SYTL3: variants seen among roughly 807,000 people sequenced by gnomAD.
SYTL3 encodes synaptotagmin like 3, also known as synaptotagmin-like protein 3.
A neutral mutation model predicts 82.1 loss-of-function variants in SYTL3; 88 were observed. The ratio of observed to expected loss-of-function variants is 1.07; its 90% CI spans 0.90 to 1.28. The LOEUF (loss-of-function observed/expected upper bound fraction) is 1.28, where lower values mean the gene tolerates loss of function less well. Ranked by LOEUF, SYTL3 falls within the 50% of genes most tolerant of loss-of-function variation. The pLI, the probability that SYTL3 is intolerant of heterozygous loss-of-function variation, is 0.00. For missense variants in SYTL3, 831 were observed against 757.6 expected, an observed-to-expected ratio of 1.10 and a Z score of -1.14; for synonymous variants, 311 against 289.4, an observed-to-expected ratio of 1.07 and a Z score of -0.76.
chr6:158,705,862 G>T (rs1782030043), intron 6 of SYTL3, among the ~76,000 whole-genome samples: 1 of 152,134 alleles, frequency 6.6e-6, no homozygotes, highest in Non-Finnish European at 1.5e-5. Flanking sequence ...AGACTGCTGT[G>T]CACCAGCTGT....
intron 15 of SYTL3, 54 bp from the exon 16 acceptor site, chr6:158,762,022 A>T (rs1402598357): frequency 7.5e-7 from 1 of 1,336,040 alleles, no homozygotes; most frequent in Admixed American, 1.7e-5. Context: ...GTGGTACTGC[A>T]TACTAACGTA....
rs1272901583 is a variant in SYTL3, at chr6:158,665,613, G to A, written c.329G>A (p.Arg110Lys). 4 of 1,547,840 alleles carry A rather than the reference G, an allele frequency of 2.6e-6. No individual in the cohort carries two copies. Among genetic ancestry groups the A allele is most frequent in the Non-Finnish European group, 3.5e-6 (4 of 1,142,516 alleles). ...AWKCTVCFED[R>K]NVKIKTGEWF... Reference sequence around the variant, plus strand: ...AAGTGCACGGTGTGCTTCGAGGACAGGTAAGCATGGCCGGTGGTTGGATCC... The same window carrying A: ...AAGTGCACGGTGTGCTTCGAGGACAAGTAAGCATGGCCGGTGGTTGGATCC... The change falls in exon 5 of 18, where the codon AGG becomes AAG. Residue 110 changes from arginine to lysine, a missense_variant and splice_region_variant. By Grantham distance (26) the Arg-to-Lys change is conservative. Transcript: ENST00000611299.
In SYTL3 at chr6:158,717,757, G is replaced by GT. The variant is rs1472824898; in HGVS notation, c.596-329dup. 2.0e-5 allele frequency among the ~76,000 whole-genome samples: 3 copies of GT among 152,276 alleles called. No individual in the cohort carries two copies. In the East Asian group the frequency reaches 5.8e-4, roughly 29 times the overall value. On this transcript the variant is annotated intron_variant, in intron 9 of 17. Coordinates refer to ENST00000611299, the MANE Select transcript of SYTL3 (RefSeq NM_001242394.2). ...GGCTGCCGTCTTCGTGTTTGGATGAGTGCACACACATATGTGTGACCTGGA... is the reference window on the plus strand; with the variant it reads ...GGCTGCCGTCTTCGTGTTTGGATGAGTTGCACACACATATGTGTGACCTGGA...
chr6:158,685,200 G>GTCTC (rs148896149), intron 6 of SYTL3, among the ~76,000 whole-genome samples: 32 of 144,434 alleles, frequency 2.2e-4, no homozygotes, highest in African/African-American at 6.3e-4. Context: ...TTGCTTTTAT[G>GTCTC]TCTCTCTCTC....
At position 158,760,710 on chromosome 6, in the gene SYTL3, C is replaced by T; in HGVS notation, c.1379C>T (p.Pro460Leu). The T allele has an allele frequency of 1.2e-6, 2 of 1,614,146 alleles. No individual in the cohort carries two copies. The highest frequency in any genetic ancestry group is 1.7e-6 in the Non-Finnish European group (2 of 1,179,986). ...ELTVRAKLVL[P>L]SRPRKLQEAQ... is the part of the protein sequence containing the mutation. ...ACAGTCCGGGCTAAGCTGGTTCTCCCTTCACGGCCCAGAAAACTCCAAGAG... is the reference window on the plus strand; with the variant it reads ...ACAGTCCGGGCTAAGCTGGTTCTCCTTTCACGGCCCAGAAAACTCCAAGAG... Residue 460 changes from proline (P) to leucine (L), a missense_variant, in exon 15 of 18, where the codon CCT becomes CTT. Pro to Leu is a moderately conservative substitution (Grantham distance 98). Transcript: ENST00000611299.
chr6:158,734,581 A>G (rs910044376), intron 11 of SYTL3, among the ~76,000 whole-genome samples: 2 of 152,018 alleles, frequency 1.3e-5, no homozygotes, highest in African/African-American at 4.8e-5. Flanking sequence ...AGACATCACA[A>G]GTCATGCAGT....
chr6:158,693,342 C>T (rs1050029875), intron 6 of SYTL3, among the ~76,000 whole-genome samples: 1 of 152,090 alleles, frequency 6.6e-6, no homozygotes, highest in Non-Finnish European at 1.5e-5. Context: ...TTCAGCCCCC[C>T]AAGTAGCTGG....
At chr6:158,661,420 T>C (rs1320067373) in intron 3 of SYTL3, 35 bp downstream of exon 3, 1 of 152,252 alleles carries the variant, frequency 6.6e-6, no homozygotes, top group Admixed American at 6.5e-5. Context: ...TTTGTGATTT[T>C]CCCTTCATCT....
At chr6:158,697,279 A>G (rs76385760) in intron 6 of SYTL3, among the ~76,000 whole-genome samples, 8 of 108,796 alleles carry the variant, frequency 7.4e-5, no homozygotes, top group African/African-American at 3.7e-4. Context: ...TCTCTACGGA[A>G]AAAAAAAAAA....
At chr6:158,693,913 G>T (rs530909215) in intron 6 of SYTL3, among the ~76,000 whole-genome samples, 64 of 134,226 alleles carry the variant, frequency 4.8e-4, no homozygotes, top group African/African-American at 1.8e-3. Flanking sequence ...GGCTGGTCTC[G>T]AACTCCTGAG....
intron 16 of SYTL3, 77 bp downstream of exon 16, chr6:158,762,255 A>C: frequency 9.5e-7 from 1 of 1,057,064 alleles, no homozygotes; most frequent in Non-Finnish European, 1.4e-6. Flanking sequence ...TGCAGCGAAC[A>C]CTAAAAAACG....
At chr6:158,734,414 G>A (rs574753515) in intron 11 of SYTL3, among the ~76,000 whole-genome samples, 1 of 152,126 alleles carries the variant, frequency 6.6e-6, no homozygotes, top group Admixed American at 6.5e-5. Flanking sequence ...CCCCATGACA[G>A]CCGGTGGGAT....
chr6:158,763,305 T>A lies in SYTL3; in HGVS notation c.1519T>A (p.Cys507Ser). The A allele has an allele frequency of 6.2e-7, 1 of 1,614,172 alleles. No individual in the cohort carries two copies. Among genetic ancestry groups the A allele is most frequent in the Non-Finnish European group, 8.5e-7 (1 of 1,180,010 alleles). ...DGTLNSFVKGCLTLPDQQKLR... is the reference protein window; with the variant it reads ...DGTLNSFVKGSLTLPDQQKLR... ...GCAGGGTTTGTGTTCCCTCTTCAGC[T>A]GTCTCACTCTGCCAGACCAACAAAA... Residue 507 changes from cysteine (C) to serine (S), a missense_variant and splice_region_variant, in exon 17 of 18, where the codon TGT becomes AGT. Coordinates refer to ENST00000611299, the MANE Select transcript of SYTL3 (RefSeq NM_001242394.2).
At chr6:158,725,283 C>G (rs1294358943) in intron 10 of SYTL3, among the ~76,000 whole-genome samples, 1 of 152,146 alleles carries the variant, frequency 6.6e-6, no homozygotes, top group East Asian at 1.9e-4. Flanking sequence ...TTGTCTGTCT[C>G]TGGGCCCTGT....
intron 11 of SYTL3, among the ~76,000 whole-genome samples, chr6:158,744,304 CTTTT>C (rs869182913): frequency 2.5e-4 from 25 of 99,216 alleles, no homozygotes; most frequent in Non-Finnish European, 3.0e-4. Flanking sequence ...CTTTTTCTTT[CTTTT>C]TTTTTTTTTT....
At position 158,684,393 on chromosome 6, in the gene SYTL3, A is replaced by G. The variant is rs1010109086; in HGVS notation, c.394+1404A>G. Among the ~76,000 whole-genome samples the G allele has an allele frequency of 2.0e-5, 3 of 152,260 alleles. No individual in the cohort carries two copies. In the East Asian group the frequency reaches 5.8e-4, roughly 29 times the overall value. ...TTTGCAATGTATGTTGTGCCAGTGTAATTGGTAGCTGGGACCTGGAACTGT... is the reference window on the plus strand; with the variant it reads ...TTTGCAATGTATGTTGTGCCAGTGTGATTGGTAGCTGGGACCTGGAACTGT... On this transcript the variant is annotated intron_variant, in intron 6 of 17. Transcript: ENST00000611299.
At chr6:158,755,918 A>AAGGG (rs1732996276) in intron 13 of SYTL3, among the ~76,000 whole-genome samples, 1 of 152,194 alleles carries the variant, frequency 6.6e-6, no homozygotes. Flanking sequence ...CTACCAGACC[A>AAGGG]AGGGAGGGAG....
chr6:158,701,607 G>T (rs1042604586), intron 6 of SYTL3, among the ~76,000 whole-genome samples: 3 of 151,406 alleles, frequency 2.0e-5, no homozygotes, highest in Non-Finnish European at 2.9e-5. Flanking sequence ...CAGCTGGGAG[G>T]CTCTGTTTGA....
chr6:158,704,226 G>A (rs534727300), intron 6 of SYTL3, among the ~76,000 whole-genome samples: 38 of 152,286 alleles, frequency 2.5e-4, no homozygotes, highest in African/African-American at 7.5e-4. Context: ...GAACGGGCAC[G>A]CCTGCCCTTT....
Sources: allele counts gnomAD v4.1 joint callset (sites outside exome capture counted in the v4.1 genomes callset), GRCh38; gene constraint gnomAD v4.1.1; transcripts MANE v1.5; gene names NCBI Gene and HGNC (gene_info 2026-07-23, HGNC 2026-07-21).